GPATCH2: variants seen among roughly 807,000 people sequenced by gnomAD.
The protein encoded by GPATCH2 is G patch domain-containing protein 2.
In GPATCH2, 51 loss-of-function variants were observed where a neutral mutation model predicts 58.0. That is an observed-to-expected ratio of 0.88 (90% CI 0.70 to 1.11). The LOEUF is 1.11. Among genes scored for constraint, GPATCH2 ranks in the 50% most tolerant of loss-of-function variants. The probability of loss-of-function intolerance (pLI) is 0.00; values close to 1 mark genes in which losing one functional copy is unlikely to be tolerated. For synonymous variants in GPATCH2, 222 were observed against 218.5 expected, an observed-to-expected ratio of 1.02 and a Z score of -0.14; for missense variants, 625 against 652.2, an observed-to-expected ratio of 0.96 and a Z score of 0.45.
At position 217,484,506 on chromosome 1, in the gene GPATCH2, A is replaced by G. The variant is rs545047069; in HGVS notation, c.1277+7174T>C. ...AAGATCTTGGGACTTCTCTGTCTCTATAATTGTGTGAGCCAATTCCTTCAA... is the reference window on the plus strand; with the variant it reads ...AAGATCTTGGGACTTCTCTGTCTCTGTAATTGTGTGAGCCAATTCCTTCAA... On this transcript the variant is annotated intron_variant, in intron 8 of 9. Coordinates refer to ENST00000366935, the MANE Select transcript of GPATCH2 (RefSeq NM_018040.5). 9.3e-5 allele frequency among the ~76,000 whole-genome samples: 14 copies of G among 150,316 alleles called. No homozygotes were observed. The East Asian group carries it at 2.5e-3, about 27-fold the overall frequency.
At chr1:217,462,140 T>C (rs12059030) in intron 8 of GPATCH2, among the ~76,000 whole-genome samples, 4 of 152,166 alleles carry the variant, frequency 2.6e-5, no homozygotes, top group Non-Finnish European at 2.9e-5. Context: ...TTTTGTTAAA[T>C]TGGGTCTATT....
intron 9 of GPATCH2, 152 bp from the exon 10 acceptor site, chr1:217,431,517 T>C: frequency 1.6e-6 from 1 of 614,256 alleles, no homozygotes; most frequent in Non-Finnish European, 2.9e-6. Context: ...ATACTTTTTG[T>C]AGTTGAGAGA....
chr1:217,612,288 C>T (rs1668672744), intron 3 of GPATCH2, among the ~76,000 whole-genome samples: 1 of 152,150 alleles, frequency 6.6e-6, no homozygotes, highest in African/African-American at 2.4e-5. Flanking sequence ...TGAGAAGCCA[C>T]CACTAATTCT....
chr1:217,544,963 A>T (rs140735334), intron 5 of GPATCH2, among the ~76,000 whole-genome samples: 1 of 152,084 alleles, frequency 6.6e-6, no homozygotes, highest in Non-Finnish European at 1.5e-5. Context: ...GCTGTCTTTC[A>T]CTTAATTAGG....
chr1:217,463,362 G>A (rs1163119986), intron 8 of GPATCH2, among the ~76,000 whole-genome samples: 2 of 152,038 alleles, frequency 1.3e-5, no homozygotes, highest in Non-Finnish European at 2.9e-5. Context: ...GTTTACTTGA[G>A]GAAGTAAAAC....
intron 5 of GPATCH2, among the ~76,000 whole-genome samples, chr1:217,551,336 G>T (rs1259245859): frequency 6.6e-6 from 1 of 152,062 alleles, no homozygotes; most frequent in Non-Finnish European, 1.5e-5. Context: ...GGTCTCTGGA[G>T]ATCAGTGTTC....
chr1:217,439,308 T>A (rs188382397), intron 9 of GPATCH2, among the ~76,000 whole-genome samples: 133 of 152,312 alleles, frequency 8.7e-4, no homozygotes, highest in African/African-American at 3.1e-3. Context: ...AAATAAGTTA[T>A]TTGAAACCAA....
In GPATCH2 at chr1:217,427,606, A is replaced by AT. The variant is rs932094960; in HGVS notation, c.*3538_*3539insA. The AT allele has an allele frequency of 6.6e-6, 1 of 151,878 alleles. No homozygotes were observed. Among genetic ancestry groups the AT allele is most frequent in the Non-Finnish European group, 1.5e-5 (1 of 67,940 alleles). 9.4% of individuals were successfully genotyped at this position (151,878 alleles called of 1,614,324 possible). ...TGACTTTCTACCAAAAGAAAAAATA[A>AT]AAAAAAATATTCTTTGCTAACAATT... On this transcript the variant is annotated 3_prime_UTR_variant, in exon 10 of 10. Transcript: ENST00000366935.
At chr1:217,523,073 A>C (rs1195242688) in intron 5 of GPATCH2, among the ~76,000 whole-genome samples, 2 of 151,926 alleles carry the variant, frequency 1.3e-5, no homozygotes, top group African/African-American at 4.9e-5. Flanking sequence ...AAGTAATTTT[A>C]TATTCAAAAT....
intron 5 of GPATCH2, among the ~76,000 whole-genome samples, chr1:217,578,261 C>T (rs1168886329): frequency 6.6e-6 from 1 of 151,932 alleles, no homozygotes; most frequent in Non-Finnish European, 1.5e-5. Context: ...CCGGGTCTTG[C>T]TCTATTGCCC....
intron 5 of GPATCH2, among the ~76,000 whole-genome samples, chr1:217,561,332 C>G (rs1007263368): frequency 6.6e-6 from 1 of 152,098 alleles, no homozygotes; most frequent in African/African-American, 2.4e-5. Flanking sequence ...TCTGGTGTCA[C>G]TAAAACTGAA....
At chr1:217,561,586 A>C (rs1283490322) in intron 5 of GPATCH2, among the ~76,000 whole-genome samples, 2 of 152,146 alleles carry the variant, frequency 1.3e-5, no homozygotes, top group African/African-American at 4.8e-5. Context: ...GATTTGTGCC[A>C]AGTTCATTTT....
intron 6 of GPATCH2, among the ~76,000 whole-genome samples, chr1:217,509,213 C>T (rs754743124): frequency 6.6e-5 from 10 of 151,932 alleles, no homozygotes; most frequent in Admixed American, 1.3e-4. Flanking sequence ...TGGTGGTGCA[C>T]GCCTCTAGTC....
At chr1:217,499,524 G>A (rs139080461) in intron 6 of GPATCH2, among the ~76,000 whole-genome samples, 3 of 152,248 alleles carry the variant, frequency 2.0e-5, no homozygotes, top group Non-Finnish European at 2.9e-5. Flanking sequence ...TACATTAATA[G>A]GCCTTGTTTA....
chr1:217,577,462 T>C (rs906390707), intron 5 of GPATCH2, among the ~76,000 whole-genome samples: 1 of 152,186 alleles, frequency 6.6e-6, no homozygotes, highest in Non-Finnish European at 1.5e-5. Flanking sequence ...AAAACTGAGA[T>C]AGAGTATCCA....
intron 9 of GPATCH2, among the ~76,000 whole-genome samples, chr1:217,439,612 T>G (rs866780408): frequency 6.6e-6 from 1 of 151,590 alleles, no homozygotes. Context: ...CAAAATAGAC[T>G]GCTAGTCAGA....
rs112634832 is a variant in GPATCH2 at position 217,617,424 on chromosome 1, C to T, written c.773+2359G>A. 7.2e-3 allele frequency among the ~76,000 whole-genome samples: 1,097 copies of T among 152,250 alleles called. 15 individuals are homozygous for T. The highest frequency in any genetic ancestry group is 0.025 in the African/African-American group (1,045 of 41,558). On this transcript the variant is annotated intron_variant, in intron 2 of 9. Coordinates refer to ENST00000366935, the MANE Select transcript of GPATCH2 (RefSeq NM_018040.5). ...CATTTCATTTTCATCATTTGCTTGC[C>T]TGGCTATCCCAGACTATGCAGCTGT...
intron 5 of GPATCH2, among the ~76,000 whole-genome samples, chr1:217,586,961 C>T (rs1437815164): frequency 2.0e-5 from 3 of 152,114 alleles, no homozygotes; most frequent in African/African-American, 7.2e-5. Context: ...ATATGATTAA[C>T]ATAAAATTCT....
At chr1:217,446,712 A>T (rs1163492231) in intron 9 of GPATCH2, among the ~76,000 whole-genome samples, 4 of 152,146 alleles carry the variant, frequency 2.6e-5, no homozygotes, top group Non-Finnish European at 5.9e-5. Context: ...CCTGAATATT[A>T]AGAAAATCAC....
Sources: gnomAD v4.1 joint callset for allele counts (sites outside exome capture counted in the v4.1 genomes callset) on GRCh38, gnomAD v4.1.1 for gene constraint, MANE v1.5 for transcripts, NCBI Gene and HGNC (gene_info 2026-07-23, HGNC 2026-07-21) for gene names.